Variants in ANKHD1 observed in about 807,000 individuals in gnomAD.
ANKHD1 encodes the protein ankyrin repeat and KH domain containing 1, also known as ankyrin repeat and KH domain-containing protein 1.
ANKHD1 carries 31 observed loss-of-function variants against 230.5 expected under a neutral mutation model. The observed-to-expected ratio is 0.13, with a 90% CI of 0.10 to 0.18. The LOEUF is 0.18. ANKHD1 is among the 10% of genes least tolerant of loss of function. ANKHD1 has a pLI of 1.00. For synonymous variants in ANKHD1, 1,074 were observed against 1,117.6 expected (o/e 0.96, Z 0.78); for missense variants, 2,256 against 3,071.3 (o/e 0.73, Z 6.27).
At chr5:140,425,848 G>A (rs186373895) in intron 1 of ANKHD1, among the ~76,000 whole-genome samples, 10 of 152,188 alleles carry the variant, frequency 6.6e-5, no homozygotes, top group Admixed American at 5.2e-4. Context: ...GGAGTACTGT[G>A]TGTTTTGCAA....
At chr5:140,472,478 G>A (rs1776562253) in intron 10 of ANKHD1, 1 of 1,315,348 alleles carries the variant, frequency 7.6e-7, no homozygotes, top group African/African-American at 1.5e-5. Flanking sequence ...ATTGCTGGTA[G>A]TTTGTTTCCT....
In ANKHD1 at chr5:140,528,518, C is replaced by T; in HGVS notation, c.5572C>T (p.Leu1858=). ...PLAYPHPHFA[L]LAAQTMQQIR... is the part of the protein sequence containing the mutation. Reference sequence around the variant, plus strand: ...AGCTTATCCTCACCCTCATTTTGCCCTGCTGGCTGCTCAAACTATGCAACA... The same window carrying T: ...AGCTTATCCTCACCCTCATTTTGCCTTGCTGGCTGCTCAAACTATGCAACA... Residue 1858 remains leucine, a synonymous_variant, in exon 29 of 34, where the codon CTG becomes TTG. Coordinates refer to ENST00000360839, the MANE Select transcript of ANKHD1 (RefSeq NM_017747.3). 6.2e-7 allele frequency: 1 copy of T among 1,614,166 alleles called. No homozygotes were observed.
Position 140,506,740 on chromosome 5 carries a change from T to C in ANKHD1, c.3409-95T>C. On this transcript the variant is annotated intron_variant, in intron 18 of 33. Coordinates refer to ENST00000360839, the MANE Select transcript of ANKHD1 (RefSeq NM_017747.3). The surrounding 1 kb of genome is among the most constrained non-coding windows in gnomAD (Gnocchi z 4.7). ...GTAATTAAAATATCAGATATTTAGATAAGGAAGTTATAAGTCCTGTTTCTT... is the reference window on the plus strand; with the variant it reads ...GTAATTAAAATATCAGATATTTAGACAAGGAAGTTATAAGTCCTGTTTCTT... 6.5e-7 allele frequency: 1 copy of C among 1,527,414 alleles called. No individual in the cohort carries two copies. The highest frequency in any genetic ancestry group is 2.3e-5 in the East Asian group (1 of 43,874). The allele number at this position is 1,527,414 out of a possible 1,614,324, so 94.6% of individuals were successfully genotyped here. A position where few individuals can be genotyped will look rare whatever the true frequency, so the allele number is the denominator to read the frequency against.
chr5:140,423,492 A>G (rs1581223017), intron 1 of ANKHD1, among the ~76,000 whole-genome samples: 1 of 152,200 alleles, frequency 6.6e-6, no homozygotes, highest in South Asian at 2.1e-4. Flanking sequence ...TCAGCATAAG[A>G]TTGTCTTGTG....
chr5:140,422,265 G>C (rs932291379), intron 1 of ANKHD1, among the ~76,000 whole-genome samples: 1 of 152,012 alleles, frequency 6.6e-6, no homozygotes, highest in African/African-American at 2.4e-5. Context: ...TGGGATTACA[G>C]GCGCCCACCA....
At chr5:140,414,253 T>G (rs1385459258) in intron 1 of ANKHD1, among the ~76,000 whole-genome samples, 3 of 152,312 alleles carry the variant, frequency 2.0e-5, no homozygotes, top group Admixed American at 2.0e-4. Flanking sequence ...ATTTTTAATT[T>G]TTTGAGGAAC....
intron 7 of ANKHD1, among the ~76,000 whole-genome samples, chr5:140,457,660 C>T (rs900691451): frequency 2.0e-5 from 3 of 151,978 alleles, no homozygotes; most frequent in African/African-American, 7.3e-5. Flanking sequence ...ACAATGAGAA[C>T]ACTTGGACAC....
chr5:140,523,106 T>C lies in ANKHD1; in HGVS notation c.4318-960T>C, dbSNP rs370457744. Among the ~76,000 whole-genome samples the C allele has an allele frequency of 2.8e-3, 411 of 148,154 alleles. 3 individuals carry two copies. Among genetic ancestry groups the C allele is most frequent in the African/African-American group, 9.9e-3 (399 of 40,136 alleles). Reference sequence around the variant, plus strand: ...TTTTTTTAATTAATTTTTTTCTTTTTCCTTTTTTTTTTTTTTTTTTTTTAA... The same window carrying C: ...TTTTTTTAATTAATTTTTTTCTTTTCCCTTTTTTTTTTTTTTTTTTTTTAA... On this transcript the variant is annotated intron_variant, in intron 24 of 33. Coordinates refer to ENST00000360839, the MANE Select transcript of ANKHD1 (RefSeq NM_017747.3).
chr5:140,450,108 C>T (rs186720022), intron 7 of ANKHD1, among the ~76,000 whole-genome samples: 100 of 152,204 alleles, frequency 6.6e-4, no homozygotes, highest in African/African-American at 2.3e-3. Context: ...AAACTCAAAG[C>T]ATTCTGATAA....
intron 14 of ANKHD1, 77 bp from the exon 15 acceptor site, chr5:140,496,443 C>G: frequency 1.4e-6 from 1 of 718,954 alleles, no homozygotes; most frequent in Non-Finnish European, 1.8e-6. Context: ...GGCTGGTTTT[C>G]TTTTTTTTTT....
intron 1 of ANKHD1, among the ~76,000 whole-genome samples, chr5:140,428,442 CG>C (rs1772730038): frequency 6.6e-6 from 1 of 151,746 alleles, no homozygotes; most frequent in Non-Finnish European, 1.5e-5. Context: ...GAGACCAGCC[CG>C]GCCAACACAG....
chr5:140,476,174 C>T (rs1448111412), intron 10 of ANKHD1, among the ~76,000 whole-genome samples: 12 of 150,874 alleles, frequency 8.0e-5, no homozygotes, highest in African/African-American at 2.7e-4. Flanking sequence ...AGAAATAATA[C>T]AATAAAATAT....
At chr5:140,522,705 G>A (rs200877211) in intron 24 of ANKHD1, among the ~76,000 whole-genome samples, 130 of 152,202 alleles carry the variant, frequency 8.5e-4, no homozygotes, top group African/African-American at 3.0e-3. Context: ...TAAATCATAT[G>A]CTAGTTCTGT....
chr5:140,407,924 C>T (rs1770606592), intron 1 of ANKHD1, among the ~76,000 whole-genome samples: 1 of 152,122 alleles, frequency 6.6e-6, no homozygotes, highest in Non-Finnish European at 1.5e-5. Context: ...CGCCTGTAAT[C>T]CCACCACTTT....
intron 24 of ANKHD1, among the ~76,000 whole-genome samples, chr5:140,518,941 A>T (rs1388572671): frequency 6.6e-6 from 1 of 152,138 alleles, no homozygotes; most frequent in African/African-American, 2.4e-5. Context: ...GCCAGGGCAA[A>T]TAGGCAGGAG....
At position 140,496,545 on chromosome 5, in the gene ANKHD1, C is replaced by T. The variant is rs1476193342; in HGVS notation, c.2271C>T (p.Ser757=). ...GTACATCCAAGCAGAAGTCCAGTTC[C>T]CTCCAGGTAGCAGATCAGGACCTAC... ...QKGTSKQKSS[S]LQVADQDLLP... Residue 757 remains serine (S), a synonymous_variant, in exon 15 of 34, where the codon TCC becomes TCT. Transcript: ENST00000360839. The T allele has an allele frequency of 1.2e-6, 2 of 1,604,770 alleles. No homozygotes were observed. The highest frequency in any genetic ancestry group is 1.7e-5 in the Admixed American group (1 of 58,056).
At chr5:140,522,230 G>A (rs1212884374) in intron 24 of ANKHD1, among the ~76,000 whole-genome samples, 6 of 152,142 alleles carry the variant, frequency 3.9e-5, no homozygotes, top group African/African-American at 1.4e-4. Context: ...GGTCTTTTGT[G>A]ACTGGCTTTT....
At chr5:140,513,874 A>C (rs1403876868) in intron 24 of ANKHD1, among the ~76,000 whole-genome samples, 1 of 151,334 alleles carries the variant, frequency 6.6e-6, no homozygotes, top group African/African-American at 2.4e-5. Flanking sequence ...TAATCCCAGC[A>C]CTTTGGGAGG....
chr5:140,498,233 CT>C (rs1752121487), intron 15 of ANKHD1: 1 of 152,156 alleles, frequency 6.6e-6, no homozygotes, highest in Non-Finnish European at 1.5e-5. Context: ...CATTTTTTTC[CT>C]TACTGTTGTC....
Sources: allele counts gnomAD v4.1 joint callset (sites outside exome capture counted in the v4.1 genomes callset), GRCh38; gene constraint gnomAD v4.1.1; non-coding constraint Gnocchi (gnomAD v3.1); transcripts MANE v1.5; gene names NCBI Gene and HGNC (gene_info 2026-07-23, HGNC 2026-07-21).